SHTN1: variants seen among roughly 807,000 people sequenced by gnomAD.
SHTN1 encodes the protein shootin-1.
SHTN1 carries 42 observed loss-of-function variants against 83.1 expected under a neutral mutation model. The observed-to-expected ratio is 0.51, with a 90% CI of 0.39 to 0.65. The LOEUF (loss-of-function observed/expected upper bound fraction) is 0.65. Among genes scored for constraint, SHTN1 ranks in the 30% least tolerant of loss-of-function variants. The pLI is 0.00. For missense variants in SHTN1, 622 were observed against 737.8 expected (o/e 0.84, Z 1.82); for synonymous variants, 224 against 247.7 (o/e 0.90, Z 0.90).
At chr10:116,965,150 G>A (rs1564902771) in intron 3 of SHTN1, among the ~76,000 whole-genome samples, 1 of 152,144 alleles carries the variant, frequency 6.6e-6, no homozygotes, top group Non-Finnish European at 1.5e-5. Context: ...TTTATCCTGG[G>A]AAAAGTATGC....
At chr10:117,088,567 T>A (rs182342155) in intron 1 of SHTN1, among the ~76,000 whole-genome samples, 27 of 152,274 alleles carry the variant, frequency 1.8e-4, no homozygotes, top group Admixed American at 1.8e-3. Context: ...CCCAGGAGAA[T>A]GATGAACTAC....
intron 2 of SHTN1, among the ~76,000 whole-genome samples, chr10:117,013,675 A>G (rs1413260073): frequency 6.6e-6 from 1 of 152,232 alleles, no homozygotes; most frequent in African/African-American, 2.4e-5. Context: ...GCTATTTTAA[A>G]TGGTACAGCC....
At chr10:116,981,445 T>C (rs1851016002) in intron 1 of SHTN1, among the ~76,000 whole-genome samples, 1 of 152,182 alleles carries the variant, frequency 6.6e-6, no homozygotes, top group Non-Finnish European at 1.5e-5. Flanking sequence ...TAAAACTAAA[T>C]TGTCTTTGGA....
At chr10:117,044,587 A>G (rs546902437) in intron 2 of SHTN1, among the ~76,000 whole-genome samples, 1 of 152,300 alleles carries the variant, frequency 6.6e-6, no homozygotes, top group African/African-American at 2.4e-5. Flanking sequence ...TTGAAATCAA[A>G]GAAGTAATTT....
chr10:117,093,207 C>T (rs755467608), intron 1 of SHTN1, among the ~76,000 whole-genome samples: 5 of 152,060 alleles, frequency 3.3e-5, no homozygotes, highest in Non-Finnish European at 7.4e-5. Context: ...GTAGCATGCC[C>T]AGATACATAC....
intron 12 of SHTN1, among the ~76,000 whole-genome samples, chr10:116,915,830 T>C (rs1294571382): frequency 6.6e-6 from 1 of 152,190 alleles, no homozygotes; most frequent in African/African-American, 2.4e-5. Flanking sequence ...AAATAATCTT[T>C]GTCTCAAAGA....
intron 1 of SHTN1, among the ~76,000 whole-genome samples, chr10:117,052,065 A>C (rs1208616161): frequency 6.9e-6 from 1 of 144,584 alleles, no homozygotes; most frequent in Non-Finnish European, 1.5e-5. Flanking sequence ...TAGAGCTAAT[A>C]AACAAATTCA....
intron 9 of SHTN1, among the ~76,000 whole-genome samples, chr10:116,934,499 G>C (rs1849083695): frequency 6.6e-6 from 1 of 151,938 alleles, no homozygotes; most frequent in South Asian, 2.1e-4. Context: ...ATTATTTCTG[G>C]GGCCTCTGCT....
At chr10:117,121,436 G>T (rs549751719) in intron 1 of SHTN1, among the ~76,000 whole-genome samples, 2 of 151,714 alleles carry the variant, frequency 1.3e-5, no homozygotes, top group Non-Finnish European at 2.9e-5. Flanking sequence ...AAAACTAGCC[G>T]GGCATGGTGG....
At chr10:116,900,578 A>T in intron 16 of SHTN1, 3 of 1,532,914 alleles carry the variant, frequency 2.0e-6, no homozygotes, top group Non-Finnish European at 2.6e-6. Context: ...CTATACACAC[A>T]CACTGAAGCA....
At chr10:117,023,652 T>C (rs1852292494) in intron 2 of SHTN1, 2 of 152,654 alleles carry the variant, frequency 1.3e-5, no homozygotes, top group South Asian at 4.1e-4. Context: ...GTAAAAAGAT[T>C]GAGCGTTTTG....
At chr10:116,911,742 C>T in intron 14 of SHTN1, 48 bp downstream of exon 14, 1 of 1,571,578 alleles carries the variant, frequency 6.4e-7, no homozygotes, top group Non-Finnish European at 8.7e-7. Flanking sequence ...AAAATACTCT[C>T]CTTTCATTTC....
intron 1 of SHTN1, among the ~76,000 whole-genome samples, chr10:117,069,638 CTATTA>C (rs1564948874): frequency 3.3e-4 from 50 of 152,288 alleles, no homozygotes; most frequent in African/African-American, 1.0e-3. Flanking sequence ...TAAATTATTA[CTATTA>C]CATTTATAAA....
At chr10:117,013,083 A>C (rs1346969387) in intron 2 of SHTN1, among the ~76,000 whole-genome samples, 2 of 152,088 alleles carry the variant, frequency 1.3e-5, no homozygotes, top group African/African-American at 2.4e-5. Context: ...AAACTATATA[A>C]ATTTTTTTAA....
chr10:117,078,006 C>T (rs1213582032), intron 1 of SHTN1, among the ~76,000 whole-genome samples: 1 of 152,186 alleles, frequency 6.6e-6, no homozygotes, highest in Non-Finnish European at 1.5e-5. Flanking sequence ...ATTAACAGCA[C>T]AAACAATAGC....
chr10:116,897,814 C>T (rs1847574972), intron 16 of SHTN1, among the ~76,000 whole-genome samples: 1 of 152,212 alleles, frequency 6.6e-6, no homozygotes, highest in South Asian at 2.1e-4. Context: ...GAGTTCAAGT[C>T]TTGGAAATAA....
At position 117,002,333 on chromosome 10, in the gene SHTN1, G is replaced by C. The variant is rs538673051; in HGVS notation, c.58+2689C>G. On this transcript the variant is annotated intron_variant, in intron 1 of 16. Coordinates refer to ENST00000355371, the MANE Select transcript of SHTN1 (RefSeq NM_001127211.3). ...GTGTAGTTCACTATTTACACCCCTA[G>C]TGCCTACCACATGGACCTGACATAT... 3.3e-5 allele frequency among the ~76,000 whole-genome samples: 5 copies of C among 152,274 alleles called. No individual in the cohort carries two copies. The South Asian group carries it at 1.0e-3, about 32-fold the overall frequency.
At chr10:117,044,763 T>G (rs1023037802) in intron 2 of SHTN1, among the ~76,000 whole-genome samples, 25 of 152,130 alleles carry the variant, frequency 1.6e-4, no homozygotes, top group Admixed American at 1.6e-3. Context: ...GTGAAAAGTA[T>G]GGTCAAAATA....
chr10:117,011,267 T>G (rs1218638340), intron 2 of SHTN1, among the ~76,000 whole-genome samples: 1 of 152,190 alleles, frequency 6.6e-6, no homozygotes, highest in East Asian at 1.9e-4. Context: ...TTAGTTAATT[T>G]TTGTTAGGCC....
Sources: gnomAD v4.1 joint callset for allele counts (sites outside exome capture counted in the v4.1 genomes callset) on GRCh38, gnomAD v4.1.1 for gene constraint, MANE v1.5 for transcripts, NCBI Gene and HGNC (gene_info 2026-07-23, HGNC 2026-07-21) for gene names.